ZSWIM5: variants seen among roughly 807,000 people sequenced by gnomAD.
The protein encoded by ZSWIM5 is zinc finger SWIM domain-containing protein 5.
A neutral mutation model predicts 119.6 loss-of-function variants in ZSWIM5; 55 were observed. The ratio of observed to expected loss-of-function variants is 0.46; its 90% CI spans 0.37 to 0.58. The LOEUF is 0.58. Among genes scored for constraint, ZSWIM5 ranks in the 20% least tolerant of loss-of-function variants. The probability of loss-of-function intolerance (pLI) is 0.00; values close to 1 mark genes in which losing one functional copy is unlikely to be tolerated. For synonymous variants in ZSWIM5, 537 were observed against 606.9 expected (o/e 0.88, Z 1.69); for missense variants, 1,193 against 1,512.8 (o/e 0.79, Z 3.51).
intron 1 of ZSWIM5, among the ~76,000 whole-genome samples, chr1:45,196,034 GTTTTTTTTTTTTT>G (rs34236930): frequency 2.9e-5 from 3 of 103,910 alleles, no homozygotes; most frequent in South Asian, 3.2e-4. Flanking sequence ...CACCCAGCTA[GTTTTTTTTTTTTT>G]TTTTTTTTTT....
chr1:45,062,970 TC>T (rs1464411309), intron 2 of ZSWIM5, among the ~76,000 whole-genome samples: 1 of 152,176 alleles, frequency 6.6e-6, no homozygotes, highest in Non-Finnish European at 1.5e-5. Context: ...TCTTGTCCCT[TC>T]CTTTTCTCTC....
At chr1:45,174,745 A>C (rs1264080377) in intron 1 of ZSWIM5, among the ~76,000 whole-genome samples, 2 of 152,076 alleles carry the variant, frequency 1.3e-5, no homozygotes, top group South Asian at 4.2e-4. Context: ...GTCTCAAAAA[A>C]AAGAAAAAGA....
At chr1:45,069,174 C>A (rs936412710) in intron 2 of ZSWIM5, among the ~76,000 whole-genome samples, 1 of 151,994 alleles carries the variant, frequency 6.6e-6, no homozygotes, top group Non-Finnish European at 1.5e-5. Context: ...TGCCTGTAAT[C>A]CCAGCACTTT....
chr1:45,068,967 A>G (rs1025686750), intron 2 of ZSWIM5, among the ~76,000 whole-genome samples: 3 of 151,008 alleles, frequency 2.0e-5, no homozygotes, highest in African/African-American at 7.3e-5. Context: ...CACCATGCCC[A>G]GCTAATCTTT....
At chr1:45,029,535 A>G (rs1644939695) in intron 11 of ZSWIM5, among the ~76,000 whole-genome samples, 2 of 152,040 alleles carry the variant, frequency 1.3e-5, no homozygotes, top group African/African-American at 4.8e-5. Context: ...TTGTAAAGTT[A>G]TACATTTTTC....
In ZSWIM5 at chr1:45,058,645, T is replaced by C. The variant is rs754256413; in HGVS notation, c.1216A>G (p.Met406Val). ...LTLWRQQGTNMTDKCRQLWDE... is the reference protein window; with the variant it reads ...LTLWRQQGTNVTDKCRQLWDE... ...CAGAGCTGCCTGCACTTGTCTGTCA[T>C]GTTTGTTCCTTGCTGCCTCCAGAGT... is the stretch of plus-strand genomic sequence containing the variant. Residue 406 changes from methionine (M) to valine (V), a missense_variant, in exon 4 of 14, where the codon ATG becomes GTG. Transcript: ENST00000359600. 5 of 1,614,146 alleles carry C rather than the reference T, an allele frequency of 3.1e-6. No individual in the cohort carries two copies. Among genetic ancestry groups the C allele is most frequent in the South Asian group, 2.2e-5 (2 of 91,088 alleles).
intron 1 of ZSWIM5, among the ~76,000 whole-genome samples, chr1:45,178,774 T>C (rs906066487): frequency 7.2e-5 from 11 of 152,118 alleles, no homozygotes; most frequent in Admixed American, 3.3e-4. Context: ...TATTGGTGAA[T>C]ATAATTTTAT....
At chr1:45,081,686 C>T (rs1349507388) in intron 2 of ZSWIM5, among the ~76,000 whole-genome samples, 1 of 152,190 alleles carries the variant, frequency 6.6e-6, no homozygotes, top group African/African-American at 2.4e-5. Context: ...AGCCGCCTGC[C>T]TTGACCTCCC....
intron 1 of ZSWIM5, among the ~76,000 whole-genome samples, chr1:45,091,039 G>A (rs1455286115): frequency 6.6e-6 from 1 of 152,190 alleles, no homozygotes; most frequent in Non-Finnish European, 1.5e-5. Flanking sequence ...TTCTAAGTAG[G>A]TATAATAATA....
In ZSWIM5 at chr1:45,206,458, G is replaced by C. The variant is rs149321998; in HGVS notation, c.-108C>G. ...GCAAGCGCCCAGCGGTGGCGCCGAGGGGGGCGGGGCGAGAGAACCCGCGAG... is the reference window on the plus strand; with the variant it reads ...GCAAGCGCCCAGCGGTGGCGCCGAGCGGGGCGGGGCGAGAGAACCCGCGAG... On this transcript the variant is annotated 5_prime_UTR_variant, in exon 1 of 14. Coordinates refer to ENST00000359600, the MANE Select transcript of ZSWIM5 (RefSeq NM_020883.2). 368 of 1,214,490 alleles carry C rather than the reference G, an allele frequency of 3.0e-4. 2 individuals are homozygous for C. In the Middle Eastern group the frequency reaches 4.5e-3, roughly 15 times the overall value. 75.2% of individuals were successfully genotyped at this position (1,214,490 alleles called of 1,614,324 possible).
At chr1:45,119,225 C>T (rs914413568) in intron 1 of ZSWIM5, among the ~76,000 whole-genome samples, 2 of 151,974 alleles carry the variant, frequency 1.3e-5, no homozygotes, top group African/African-American at 4.8e-5. Context: ...CATTCTTTTC[C>T]CCAAGTTTAT....
chr1:45,044,300 T>C (rs2148994518), intron 5 of ZSWIM5, among the ~76,000 whole-genome samples: 1 of 151,808 alleles, frequency 6.6e-6, no homozygotes, highest in South Asian at 2.1e-4. Flanking sequence ...AAGAAAAAAC[T>C]GATGAGGCCA....
intron 2 of ZSWIM5, among the ~76,000 whole-genome samples, chr1:45,062,961 C>T (rs1426304699): frequency 6.6e-6 from 1 of 152,164 alleles, no homozygotes; most frequent in African/African-American, 2.4e-5. Flanking sequence ...TTTTTCAGAT[C>T]TTGTCCCTTC....
intron 1 of ZSWIM5, among the ~76,000 whole-genome samples, chr1:45,155,045 T>C (rs1331179662): frequency 6.6e-6 from 1 of 151,956 alleles, no homozygotes; most frequent in Non-Finnish European, 1.5e-5. Flanking sequence ...AGGTGGAACT[T>C]AATTAAACTA....
intron 1 of ZSWIM5, among the ~76,000 whole-genome samples, chr1:45,155,158 G>A (rs1188998103): frequency 6.6e-6 from 1 of 152,010 alleles, no homozygotes; most frequent in Non-Finnish European, 1.5e-5. Context: ...CTAATATCCA[G>A]AGTCTACGAG....
intron 2 of ZSWIM5, chr1:45,070,034 A>T: frequency 1.2e-6 from 1 of 805,578 alleles, no homozygotes; most frequent in East Asian, 2.4e-5. Flanking sequence ...TAGCTATGAA[A>T]AACCTCAATA....
chr1:45,020,103 C>G lies in ZSWIM5; in HGVS notation c.2658G>C (p.Glu886Asp). 6.2e-7 allele frequency: 1 copy of G among 1,614,130 alleles called. No homozygotes were observed. ...CACAGGTCACCAACCATCGTACCAT[C>G]TCCCTGCGTCTCCAGTTAAGGGTTG... Reference protein sequence around the residue: ...TLSTLNWRRREMVRWLVTCAT... With the variant: ...TLSTLNWRRRDMVRWLVTCAT... The change falls in exon 13 of 14, where the codon GAG becomes GAC. Residue 886 changes from glutamate (E) to aspartate (D), a missense_variant. Transcript: ENST00000359600.
At chr1:45,137,627 G>C (rs1645697602) in intron 1 of ZSWIM5, among the ~76,000 whole-genome samples, 1 of 152,132 alleles carries the variant, frequency 6.6e-6, no homozygotes, top group South Asian at 2.1e-4. Context: ...AACTTTACAA[G>C]CTGAGGCAAT....
intron 11 of ZSWIM5, among the ~76,000 whole-genome samples, chr1:45,029,947 C>T (rs182679417): frequency 1.1e-3 from 160 of 151,822 alleles, no homozygotes; most frequent in Admixed American, 3.8e-3. Context: ...CATTTTTTTT[C>T]GACCCACCTA....
Sources: allele counts gnomAD v4.1 joint callset (sites outside exome capture counted in the v4.1 genomes callset), GRCh38; gene constraint gnomAD v4.1.1; transcripts MANE v1.5; gene names NCBI Gene and HGNC (gene_info 2026-07-23, HGNC 2026-07-21).